The following CPSF2 variants were observed in gnomAD, a reference collection of about 807,000 sequenced individuals.
CPSF2 encodes cleavage and polyadenylation specificity factor subunit 2.
Under a neutral mutation model 84.2 loss-of-function variants are expected in CPSF2, and 51 were observed. The observed-to-expected ratio is 0.61, with a 90% CI of 0.48 to 0.77. The LOEUF (loss-of-function observed/expected upper bound fraction) is 0.77, where lower values mean the gene tolerates loss of function less well. CPSF2 is among the 30% of genes least tolerant of loss of function. The probability of loss-of-function intolerance (pLI) is 0.00; values close to 1 mark genes in which losing one functional copy is unlikely to be tolerated. For synonymous variants in CPSF2, 286 were observed against 311.9 expected, an observed-to-expected ratio of 0.92 and a Z score of 0.87; for missense variants, 641 against 929.4, an observed-to-expected ratio of 0.69 and a Z score of 4.03.
intron 14 of CPSF2, among the ~76,000 whole-genome samples, chr14:92,159,619 C>T (rs1343714208): frequency 6.6e-6 from 1 of 152,010 alleles, no homozygotes; most frequent in Non-Finnish European, 1.5e-5. Flanking sequence ...CTCAGGAGTT[C>T]GAGACTACAG....
At position 92,165,468 on chromosome 14, in the gene CPSF2, A is replaced by T. The variant is rs2069431919; in HGVS notation, c.*3724A>T. ...ACTCCCTTTTTAAATTTTAGTCATC[A>T]TAGTGTGGGTGAAGAAGTGTCTCAC... is the stretch of plus-strand genomic sequence containing the variant. On this transcript the variant is annotated 3_prime_UTR_variant, in exon 16 of 16. Coordinates refer to ENST00000298875, the MANE Select transcript of CPSF2 (RefSeq NM_017437.3). 6.6e-6 allele frequency: 1 copy of T among 152,082 alleles called. No individual in the cohort carries two copies. Among genetic ancestry groups the T allele is most frequent in the Non-Finnish European group, 1.5e-5 (1 of 68,004 alleles). The allele number at this position is 152,082 out of a possible 1,614,324, so 9.4% of individuals were successfully genotyped here.
intron 11 of CPSF2, among the ~76,000 whole-genome samples, 189 bp from the exon 12 acceptor site, chr14:92,156,290 A>G (rs1257047170): frequency 6.6e-6 from 1 of 152,204 alleles, no homozygotes; most frequent in Non-Finnish European, 1.5e-5. Flanking sequence ...TCTACCTCAA[A>G]AAAAACCAAA....
intron 1 of CPSF2, among the ~76,000 whole-genome samples, chr14:92,124,459 A>G (rs954986461): frequency 2.6e-5 from 4 of 152,206 alleles, no homozygotes; most frequent in African/African-American, 7.2e-5. Flanking sequence ...GCTGACTGCT[A>G]AGTTAATGGT....
chr14:92,135,781 A>G (rs2068990792), intron 6 of CPSF2, among the ~76,000 whole-genome samples: 1 of 152,358 alleles, frequency 6.6e-6, no homozygotes, highest in Non-Finnish European at 1.5e-5. Context: ...GTATCAAATT[A>G]CATGTTCTTG....
In CPSF2 at chr14:92,167,456, A is replaced by C. The variant is rs1458371336; in HGVS notation, c.*5712A>C. 2 of 152,322 alleles carry C rather than the reference A, an allele frequency of 1.3e-5. No homozygotes were observed. The highest frequency in any genetic ancestry group is 3.4e-3 in the Middle Eastern group (1 of 294). 9.4% of individuals were successfully genotyped at this position (152,322 alleles called of 1,614,324 possible). ...TCATCTAATTCAACCCACTTATTTT[A>C]GTATTGAATGAATGACCCTGTACAA... On this transcript the variant is annotated 3_prime_UTR_variant, in exon 16 of 16. Transcript: ENST00000298875.
chr14:92,166,382 T>C lies in CPSF2; in HGVS notation c.*4638T>C, dbSNP rs1189514771. 1 of 152,206 alleles carries C rather than the reference T, an allele frequency of 6.6e-6. No individual in the cohort carries two copies. Among genetic ancestry groups the C allele is most frequent in the African/African-American group, 2.4e-5 (1 of 41,450 alleles). 9.4% of individuals were successfully genotyped at this position (152,206 alleles called of 1,614,324 possible). On this transcript the variant is annotated 3_prime_UTR_variant, in exon 16 of 16. Coordinates refer to ENST00000298875, the MANE Select transcript of CPSF2 (RefSeq NM_017437.3). ...TTCTTTTTGAGGCAGGGTCTCACTC[T>C]GTCACGCAGGCTTGTGTGCATTGGT...
At chr14:92,122,622 G>GTCT (rs1435446309) in intron 1 of CPSF2, among the ~76,000 whole-genome samples, 1 of 152,136 alleles carries the variant, frequency 6.6e-6, no homozygotes. Context: ...TACTAAAAGG[G>GTCT]TCTTGGGCCT....
intron 7 of CPSF2, among the ~76,000 whole-genome samples, chr14:92,140,454 G>A (rs1025097424): frequency 2.3e-5 from 3 of 132,186 alleles, no homozygotes; most frequent in Non-Finnish European, 4.7e-5. Flanking sequence ...TTTTTTTTGA[G>A]ATGTAGTCTC....
intron 2 of CPSF2, among the ~76,000 whole-genome samples, chr14:92,126,431 AG>A (rs1173294635): frequency 6.6e-6 from 1 of 152,234 alleles, no homozygotes; most frequent in Non-Finnish European, 1.5e-5. Flanking sequence ...GCTTTTTGAC[AG>A]GGATAATTTC....
chr14:92,163,412 C>G lies in CPSF2; in HGVS notation c.*1668C>G, dbSNP rs1294890587. ...AAGGCAAATATAAAGAGTATGTTTT[C>G]TTTTTAGTGCTTTGGAAAAATTTCA... On this transcript the variant is annotated 3_prime_UTR_variant, in exon 16 of 16. Coordinates refer to ENST00000298875, the MANE Select transcript of CPSF2 (RefSeq NM_017437.3). 4 of 152,564 alleles carry G rather than the reference C, an allele frequency of 2.6e-5. No individual in the cohort carries two copies. Among genetic ancestry groups the G allele is most frequent in the Non-Finnish European group, 5.9e-5 (4 of 68,006 alleles). 9.5% of individuals were successfully genotyped at this position (152,564 alleles called of 1,614,324 possible). A position where few individuals can be genotyped will look rare whatever the true frequency, so the allele number is the denominator to read the frequency against.
In CPSF2 at chr14:92,161,648, C is replaced by T. The variant is rs1333491347; in HGVS notation, c.2257-4C>T. ...CTAAAGAATTTTTTTTATTTGGTTT[C>T]TAGACGGAAACTGGACGCATTGGAT... On this transcript the variant is annotated splice_polypyrimidine_tract_variant and splice_region_variant and intron_variant, in intron 15 of 15. Transcript: ENST00000298875. The T allele has an allele frequency of 4.4e-6, 7 of 1,573,698 alleles. No homozygotes were observed. The highest frequency in any genetic ancestry group is 6.0e-6 in the Non-Finnish European group (7 of 1,167,472).
At chr14:92,138,088 AT>A in intron 6 of CPSF2, 143 bp from the exon 7 acceptor site, 1 of 432,084 alleles carries the variant, frequency 2.3e-6, no homozygotes, top group Non-Finnish European at 4.2e-6. Context: ...AAGTTACTGG[AT>A]TTCTTATCAA....
At chr14:92,155,604 C>T (rs1291853449) in intron 11 of CPSF2, among the ~76,000 whole-genome samples, 1 of 151,834 alleles carries the variant, frequency 6.6e-6, no homozygotes, top group African/African-American at 2.4e-5. Flanking sequence ...CTTTTTTCCC[C>T]CACTTAAAAA....
chr14:92,127,646 A>G (rs911665920), intron 2 of CPSF2, among the ~76,000 whole-genome samples: 7 of 152,142 alleles, frequency 4.6e-5, no homozygotes, highest in Admixed American at 4.6e-4. Flanking sequence ...ATTCTAGAGT[A>G]TTTTTATAAG....
chr14:92,154,674 GA>G (rs1174705141), intron 10 of CPSF2, among the ~76,000 whole-genome samples: 2 of 152,298 alleles, frequency 1.3e-5, no homozygotes, highest in Non-Finnish European at 2.9e-5. Context: ...CAATAAAGTT[GA>G]ATGTTATTCC....
chr14:92,140,580 G>A (rs2069064325), intron 7 of CPSF2, among the ~76,000 whole-genome samples: 1 of 151,492 alleles, frequency 6.6e-6, no homozygotes, highest in African/African-American at 2.4e-5. Context: ...TTACAGGCGT[G>A]TGCAACCATG....
chr14:92,137,852 G>C (rs915879716), intron 6 of CPSF2, among the ~76,000 whole-genome samples: 1 of 152,076 alleles, frequency 6.6e-6, no homozygotes, highest in Admixed American at 6.6e-5. Context: ...GTAAAAACCA[G>C]GATATAGAAC....
chr14:92,150,397 C>G (rs1438053136), intron 9 of CPSF2, among the ~76,000 whole-genome samples: 1 of 151,742 alleles, frequency 6.6e-6, no homozygotes, highest in Non-Finnish European at 1.5e-5. Flanking sequence ...GTTGGGATTA[C>G]AGGCGCGAGT....
Position 92,131,153 on chromosome 14 carries a change from T to G in CPSF2, c.149+20T>G. On this transcript the variant is annotated intron_variant, in intron 3 of 15. Coordinates refer to ENST00000298875, the MANE Select transcript of CPSF2 (RefSeq NM_017437.3). Reference sequence around the variant, plus strand: ...GAGGAAGTAAGTTACATTTCATAATTCTATGTTTTTATTAAATCAACTTCT... The same window carrying G: ...GAGGAAGTAAGTTACATTTCATAATGCTATGTTTTTATTAAATCAACTTCT... 6.4e-7 allele frequency: 1 copy of G among 1,571,122 alleles called. No individual in the cohort carries two copies. Among genetic ancestry groups the G allele is most frequent in the Non-Finnish European group, 8.7e-7 (1 of 1,152,750 alleles).
Sources: allele counts gnomAD v4.1 joint callset (sites outside exome capture counted in the v4.1 genomes callset), GRCh38; gene constraint gnomAD v4.1.1; transcripts MANE v1.5; gene names NCBI Gene and HGNC (gene_info 2026-07-23, HGNC 2026-07-21).